Variants in EME1 observed in about 807,000 individuals in gnomAD.
EME1 encodes essential meiotic structure-specific endonuclease 1, also known as structure-specific endonuclease subunit EME1.
A neutral mutation model predicts 59.1 loss-of-function variants in EME1; 61 were observed. That is an observed-to-expected ratio of 1.03 (90% CI 0.84 to 1.28). EME1 has a LOEUF of 1.28. Ranked by LOEUF, EME1 falls within the 50% of genes most tolerant of loss-of-function variation. The probability of loss-of-function intolerance (pLI) is 0.00; values close to 1 mark genes in which losing one functional copy is unlikely to be tolerated. For missense variants in EME1, 635 were observed against 682.6 expected (o/e 0.93, Z 0.78); for synonymous variants, 230 against 254.2 (o/e 0.90, Z 0.90).
intron 1 of EME1, 128 bp from the exon 2 acceptor site, chr17:50,375,057 C>G (rs1307131016): frequency 7.4e-6 from 5 of 679,546 alleles, no homozygotes; most frequent in Admixed American, 3.2e-5. Flanking sequence ...GTGTTGGGGC[C>G]ATGTCATATT....
intron 3 of EME1, 100 bp from the exon 4 acceptor site, chr17:50,378,495 T>G: frequency 9.3e-7 from 1 of 1,077,102 alleles, no homozygotes. Flanking sequence ...GCATAAGGGG[T>G]GGGAGTTAGT....
chr17:50,377,467 A>G (rs1913533030), intron 3 of EME1, among the ~76,000 whole-genome samples: 2 of 152,134 alleles, frequency 1.3e-5, no homozygotes. Flanking sequence ...TTCCCCAATT[A>G]CTCCATAATA....
intron 7 of EME1, 50 bp from the exon 8 acceptor site, chr17:50,380,262 G>T: frequency 1.9e-6 from 3 of 1,539,562 alleles, no homozygotes; most frequent in Non-Finnish European, 2.6e-6. Context: ...AGGGGAACAG[G>T]TGTAGAAGAG....
At chr17:50,379,659 C>A in intron 7 of EME1, 92 bp downstream of exon 7, 1 of 1,082,354 alleles carries the variant, frequency 9.2e-7, no homozygotes. Flanking sequence ...CCCCTCATCT[C>A]TGCAGTCAGC....
chr17:50,378,675 A>C lies in EME1; in HGVS notation c.984A>C (p.Gly328=). ...CATTTGTGTCCATGATCGACAATGGAAAGCAGGTGGGCAGAGCCAGAGGGT... is the reference window on the plus strand; with the variant it reads ...CATTTGTGTCCATGATCGACAATGGCAAGCAGGTGGGCAGAGCCAGAGGGT... The part of the protein sequence containing the change: ...AEAFVSMIDN[G]KQGSLDSTMK... The change falls in exon 4 of 9, where the codon GGA becomes GGC. Residue 328 remains glycine (G), a synonymous_variant. Coordinates refer to ENST00000338165, the MANE Select transcript of EME1 (RefSeq NM_152463.4). The C allele has an allele frequency of 6.2e-7, 1 of 1,614,144 alleles. No individual in the cohort carries two copies. Among genetic ancestry groups the C allele is most frequent in the Non-Finnish European group, 8.5e-7 (1 of 1,180,006 alleles).
chr17:50,379,757 T>TA (rs1392086711), intron 7 of EME1, 190 bp downstream of exon 7: 42 of 577,462 alleles, frequency 7.3e-5, no homozygotes, highest in Non-Finnish European at 9.8e-5. Context: ...CCTTTTCAAA[T>TA]ATTCTCCTTT....
Position 50,380,835 on chromosome 17 carries a change from G to A in EME1, c.1609G>A (p.Gly537Ser), listed in dbSNP as rs1395410758. 3 of 1,614,062 alleles carry A rather than the reference G, an allele frequency of 1.9e-6. No homozygotes were observed. The highest frequency in any genetic ancestry group is 3.3e-5 in the Admixed American group (2 of 59,994). Residue 537 changes from glycine to serine, a missense_variant, in exon 9 of 9, where the codon GGT (glycine) becomes AGT (serine). By Grantham distance (56) the Gly-to-Ser change is moderately conservative. Transcript: ENST00000338165. ...LADIQVRRGE[G>S]VTSTSRRIGP... is the part of the protein sequence containing the mutation. Reference sequence around the variant, plus strand: ...AGACATACAGGTGCGCCGTGGGGAAGGTGTGACATCCACTTCTCGCCGCAT... The same window carrying A: ...AGACATACAGGTGCGCCGTGGGGAAAGTGTGACATCCACTTCTCGCCGCAT...
Position 50,380,517 on chromosome 17 carries a change from G to A in EME1, c.1536+16G>A. Reference sequence around the variant, plus strand: ...CCTGGTACAGGTATGCTGCTCCAGGGCTCAGGGGTCACTGCCCATTGCCTG... The same window carrying A: ...CCTGGTACAGGTATGCTGCTCCAGGACTCAGGGGTCACTGCCCATTGCCTG... On this transcript the variant is annotated intron_variant, in intron 8 of 8. Coordinates refer to ENST00000338165, the MANE Select transcript of EME1 (RefSeq NM_152463.4). The A allele has an allele frequency of 6.2e-7, 1 of 1,610,692 alleles. No homozygotes were observed. The highest frequency in any genetic ancestry group is 1.1e-5 in the South Asian group (1 of 90,934).
rs1034054683 is a variant in EME1, at chr17:50,379,219, G to A, written c.1225G>A (p.Glu409Lys). Residue 409 changes from glutamate (E) to lysine (K), a missense_variant, in exon 6 of 9, where the codon GAA (glutamate) becomes AAA (lysine). Glu to Lys is a moderately conservative substitution (Grantham distance 56). Coordinates refer to ENST00000338165, the MANE Select transcript of EME1 (RefSeq NM_152463.4). ...IGSMVSRVDAEEALVDLQLHT... is the reference protein window; with the variant it reads ...IGSMVSRVDAKEALVDLQLHT... Reference sequence around the variant, plus strand: ...GTCCATGGTATCCAGGGTAGACGCTGAAGAGGTAAGAACGTCCTGTTGCCT... The same window carrying A: ...GTCCATGGTATCCAGGGTAGACGCTAAAGAGGTAAGAACGTCCTGTTGCCT... 6 of 1,614,100 alleles carry A rather than the reference G, an allele frequency of 3.7e-6. No individual in the cohort carries two copies. The highest frequency in any genetic ancestry group is 5.1e-6 in the Non-Finnish European group (6 of 1,180,032).
chr17:50,375,953 T>C lies in EME1; in HGVS notation c.745T>C (p.Leu249=). Residue 249 remains leucine, a synonymous_variant, in exon 2 of 9, where the codon TTA becomes CTA. Transcript: ENST00000338165. Reference sequence around the variant, plus strand: ...GAAAGCCCAGAGGCCAGAGGAATGCTTAAAACACATCATTGTAGTGCTGGA... The same window carrying C: ...GAAAGCCCAGAGGCCAGAGGAATGCCTAAAACACATCATTGTAGTGCTGGA... ...RMKAQRPEEC[L]KHIIVVLDPV... 3.1e-6 allele frequency: 5 copies of C among 1,609,330 alleles called. No individual in the cohort carries two copies. Among genetic ancestry groups the C allele is most frequent in the Non-Finnish European group, 4.2e-6 (5 of 1,177,208 alleles).
chr17:50,378,507 C>A, intron 3 of EME1, 88 bp from the exon 4 acceptor site: 1 of 1,272,924 alleles, frequency 7.9e-7, no homozygotes, highest in Non-Finnish European at 1.1e-6. Context: ...GGAGTTAGTT[C>A]ATTCACCCAG....
In EME1 at chr17:50,376,167, TGGA is replaced by T. The variant is rs759751623; in HGVS notation, c.882_884del (p.Arg296del). 3.7e-6 allele frequency: 6 copies of T among 1,613,830 alleles called. No homozygotes were observed. Among genetic ancestry groups the T allele is most frequent in the Admixed American group, 1.7e-5 (1 of 60,024 alleles). ...GCAGGCTGTGCCTTGCAGTGTCACTTGGAGGAGAAGGGCTGGGCCGTCTGAGGT... is the reference window on the plus strand; with the variant it reads ...GCAGGCTGTGCCTTGCAGTGTCACTTGGAGAAGGGCTGGGCCGTCTGAGGT... On this transcript the variant is annotated inframe_deletion, in exon 3 of 9. Coordinates refer to ENST00000338165, the MANE Select transcript of EME1 (RefSeq NM_152463.4).
At chr17:50,377,476 T>C (rs944490269) in intron 3 of EME1, among the ~76,000 whole-genome samples, 2 of 152,242 alleles carry the variant, frequency 1.3e-5, no homozygotes, top group African/African-American at 4.8e-5. Context: ...TACTCCATAA[T>C]ACTGTACTGC....
chr17:50,378,649 G>C lies in EME1; in HGVS notation c.958G>C (p.Ala320Pro). The change falls in exon 4 of 9, where the codon GCA becomes CCA. Residue 320 changes from alanine to proline, a missense_variant. Ala to Pro is a conservative substitution (Grantham distance 27, BLOSUM62 -1). Transcript: ENST00000338165. ...PTVLVLLRAE[A>P]FVSMIDNGKQ... ...AGTACTGGTGTTGCTCCGGGCAGAG[G>C]CATTTGTGTCCATGATCGACAATGG... 6.2e-7 allele frequency: 1 copy of C among 1,614,142 alleles called. No individual in the cohort carries two copies. The highest frequency in any genetic ancestry group is 1.1e-5 in the South Asian group (1 of 91,084).
chr17:50,376,636 G>C (rs187038765), intron 3 of EME1, among the ~76,000 whole-genome samples: 46 of 152,330 alleles, frequency 3.0e-4, no homozygotes, highest in African/African-American at 1.1e-3. Flanking sequence ...CATTGGCATA[G>C]CTGTTACCAT....
Position 50,375,458 on chromosome 17 carries a change from A to C in EME1, c.250A>C (p.Ser84Arg), listed in dbSNP as rs1913406827. 1.2e-6 allele frequency: 2 copies of C among 1,614,014 alleles called. No homozygotes were observed. Among genetic ancestry groups the C allele is most frequent in the Admixed American group, 1.7e-5 (1 of 59,990 alleles). ...VTQTQPVRLLSSESEDEEEFI... is the reference protein window; with the variant it reads ...VTQTQPVRLLRSESEDEEEFI... Reference sequence around the variant, plus strand: ...ACAAACACAGCCAGTCAGGTTGCTAAGCAGTGAAAGTGAAGATGAAGAAGA... The same window carrying C: ...ACAAACACAGCCAGTCAGGTTGCTACGCAGTGAAAGTGAAGATGAAGAAGA... Residue 84 changes from serine (S) to arginine (R), a missense_variant, in exon 2 of 9, where the codon AGC (serine) becomes CGC (arginine). Ser to Arg is a moderately radical substitution (Grantham distance 110). Coordinates refer to ENST00000338165, the MANE Select transcript of EME1 (RefSeq NM_152463.4).
chr17:50,376,609 C>G (rs1913484107), intron 3 of EME1, among the ~76,000 whole-genome samples: 1 of 152,150 alleles, frequency 6.6e-6, no homozygotes, highest in South Asian at 2.1e-4. Context: ...GGGGAAAAAT[C>G]ACCCCCGGTT....
At position 50,380,229 on chromosome 17, in the gene EME1, G is replaced by A. The variant is rs181039251; in HGVS notation, c.1347-83G>A. Reference sequence around the variant, plus strand: ...GCGCCCACCTCTTCCAAGGTCAGTGGGGGGGTTTTCAGTTGCCACTTGAGG... The same window carrying A: ...GCGCCCACCTCTTCCAAGGTCAGTGAGGGGGTTTTCAGTTGCCACTTGAGG... On this transcript the variant is annotated intron_variant, in intron 7 of 8. Coordinates refer to ENST00000338165, the MANE Select transcript of EME1 (RefSeq NM_152463.4). The A allele has an allele frequency of 6.7e-5, 93 of 1,394,540 alleles. No homozygotes were observed. In the African/African-American group the frequency reaches 1.1e-3, roughly 16 times the overall value. 86.4% of individuals were successfully genotyped at this position (1,394,540 alleles called of 1,614,324 possible). A position where few individuals can be genotyped will look rare whatever the true frequency, so the allele number is the denominator to read the frequency against.
chr17:50,378,581 G>C lies in EME1; in HGVS notation c.904-14G>C, dbSNP rs765119140. The stretch of plus-strand genomic sequence containing the variant: ...GACCTCCCTCCCTGTGCTGTGTTCT[G>C]GGTACTTTGGCAGGACAGAGAGGAC... On this transcript the variant is annotated splice_polypyrimidine_tract_variant and intron_variant, in intron 3 of 8. Coordinates refer to ENST00000338165, the MANE Select transcript of EME1 (RefSeq NM_152463.4). The C allele has an allele frequency of 1.8e-5, 29 of 1,612,884 alleles. No homozygotes were observed. The highest frequency in any genetic ancestry group is 2.2e-5 in the Non-Finnish European group (26 of 1,179,778).
Sources: gnomAD v4.1 joint callset for allele counts (sites outside exome capture counted in the v4.1 genomes callset) on GRCh38, gnomAD v4.1.1 for gene constraint, MANE v1.5 for transcripts, NCBI Gene and HGNC (gene_info 2026-07-23, HGNC 2026-07-21) for gene names.